Variants in AR observed in about 807,000 individuals in gnomAD.
AR encodes androgen receptor, also known as dihydrotestosterone receptor.
AR carries 8 observed loss-of-function variants against 53.9 expected under a neutral mutation model. The ratio of observed to expected loss-of-function variants is 0.15; its 90% CI spans 0.09 to 0.27. The LOEUF (loss-of-function observed/expected upper bound fraction) is 0.27, where lower values mean the gene tolerates loss of function less well. AR is among the 10% of genes least tolerant of loss of function. AR has a pLI of 1.00. For missense variants in AR, 639 were observed against 742.5 expected, an observed-to-expected ratio of 0.86 and a Z score of 1.62; for synonymous variants, 359 against 316.4, an observed-to-expected ratio of 1.13 and a Z score of -1.43.
intron 1 of AR, among the ~76,000 whole-genome samples, chrX:67,549,357 G>A (rs903036088): frequency 2.7e-5 from 3 of 111,707 alleles, no homozygotes; most frequent in Non-Finnish European, 1.9e-5. Context: ...ATAATTTTGT[G>A]GAGGGGTTTT....
intron 2 of AR, among the ~76,000 whole-genome samples, chrX:67,653,357 G>A (rs999999677): frequency 8.9e-6 from 1 of 111,817 alleles, no homozygotes; most frequent in African/African-American, 3.2e-5. Context: ...TGTACTAAAA[G>A]TAGGTACATA....
chrX:67,712,353 A>T (rs866687278), intron 4 of AR, among the ~76,000 whole-genome samples: 2 of 112,649 alleles, frequency 1.8e-5, no homozygotes, highest in East Asian at 2.8e-4. Context: ...GAGAGGAAAG[A>T]TTAGGTAATA....
At chrX:67,646,904 A>C (rs1451150106) in intron 2 of AR, among the ~76,000 whole-genome samples, 1 of 111,384 alleles carries the variant, frequency 9.0e-6, no homozygotes, top group Non-Finnish European at 1.9e-5. Context: ...AATCAATTAA[A>C]GAAGCAATCT....
chrX:67,627,249 A>G (rs1215433195), intron 1 of AR, among the ~76,000 whole-genome samples: 4 of 111,398 alleles, frequency 3.6e-5, no homozygotes, highest in Non-Finnish European at 5.6e-5. Context: ...TCCCACCAAC[A>G]GTGTCAAAGT....
intron 5 of AR, among the ~76,000 whole-genome samples, chrX:67,718,220 T>A (rs912339128): frequency 2.7e-5 from 3 of 111,617 alleles, no homozygotes; most frequent in African/African-American, 9.8e-5. Context: ...TATGTCCCTG[T>A]CGATCTCAGC....
intron 1 of AR, among the ~76,000 whole-genome samples, chrX:67,562,956 A>G (rs924185849): frequency 8.9e-6 from 1 of 112,042 alleles, no homozygotes; most frequent in Non-Finnish European, 1.9e-5. Context: ...CTAATTCACC[A>G]CACCATATCT....
intron 1 of AR, among the ~76,000 whole-genome samples, chrX:67,602,085 C>A (rs2147377110): frequency 8.9e-6 from 1 of 111,919 alleles, no homozygotes; most frequent in South Asian, 3.7e-4. Flanking sequence ...AGAACCATAA[C>A]CTCTTTATAA....
chrX:67,662,773 G>T (rs62605191), intron 2 of AR, among the ~76,000 whole-genome samples: 2,400 of 111,049 alleles, frequency 0.022, 30 homozygotes, highest in Middle Eastern at 0.042. Context: ...CTCTTTGTAG[G>T]TCTCTAAGGA....
At chrX:67,595,009 A>G (rs1222974945) in intron 1 of AR, among the ~76,000 whole-genome samples, 1 of 111,100 alleles carries the variant, frequency 9.0e-6, no homozygotes, top group African/African-American at 3.3e-5. Context: ...GTTCCTAAAT[A>G]ATTTTCCAAT....
chrX:67,673,150 C>T (rs780632141), intron 2 of AR, among the ~76,000 whole-genome samples: 1 of 108,134 alleles, frequency 9.2e-6, no homozygotes, highest in South Asian at 4.1e-4. Context: ...GAGTTCCATT[C>T]TATGTTACTT....
chrX:67,568,754 C>T lies in AR; in HGVS notation c.1616+21992C>T, dbSNP rs181515570. On this transcript the variant is annotated intron_variant, in intron 1 of 7. Transcript: ENST00000374690. ...GAGGGTATGTTAGTTTGCTTATCTG[C>T]GCCGTCCCTCCTCTTCCCAACCCAC... is the stretch of plus-strand genomic sequence containing the variant. 482 of 899,554 alleles carry T rather than the reference C, an allele frequency of 5.4e-4. 1 individual carries two copies. The African/African-American group carries it at 8.0e-3, about 15-fold the overall frequency. The allele number at this position is 899,554 out of a possible 1,213,427, so 74.1% of individuals were successfully genotyped here.
At chrX:67,684,321 C>A (rs1202962689) in intron 2 of AR, among the ~76,000 whole-genome samples, 2 of 112,135 alleles carry the variant, frequency 1.8e-5, no homozygotes, top group Non-Finnish European at 3.8e-5. Context: ...ATTATGTGTT[C>A]TATTTATGCA....
intron 2 of AR, among the ~76,000 whole-genome samples, chrX:67,659,649 G>C (rs1327058820): frequency 2.7e-5 from 3 of 111,802 alleles, no homozygotes; most frequent in Non-Finnish European, 5.6e-5. Flanking sequence ...CCAAGGCTTT[G>C]CTATTGTGAA....
intron 7 of AR, among the ~76,000 whole-genome samples, chrX:67,723,312 CTGTGTGTGTG>C (rs796606484): frequency 7.7e-5 from 6 of 78,014 alleles, no homozygotes; most frequent in African/African-American, 2.7e-4. Context: ...GTTTGTCTGT[CTGTGTGTGTG>C]TGTGTGTGTG....
chrX:67,694,947 T>G, intron 3 of AR: 1 of 1,022,092 alleles, frequency 9.8e-7, no homozygotes. Context: ...GTAGAAGTAA[T>G]AGTGGTTACC....
intron 1 of AR, among the ~76,000 whole-genome samples, chrX:67,625,383 T>C (rs1924580509): frequency 9.0e-6 from 1 of 111,240 alleles, no homozygotes; most frequent in South Asian, 3.7e-4. Context: ...GCTGTTTTCT[T>C]AGCAGAAAAT....
At chrX:67,575,876 A>T (rs1306705026) in intron 1 of AR, among the ~76,000 whole-genome samples, 2 of 111,603 alleles carry the variant, frequency 1.8e-5, no homozygotes, top group African/African-American at 6.5e-5. Flanking sequence ...AACTGGTATA[A>T]ATTTTATTTG....
At chrX:67,640,866 C>T (rs1925724548) in intron 1 of AR, among the ~76,000 whole-genome samples, 1 of 111,451 alleles carries the variant, frequency 9.0e-6, no homozygotes, top group Non-Finnish European at 1.9e-5. Context: ...AAATAATAAT[C>T]CCATCTTTGA....
chrX:67,658,721 G>T (rs1926708788), intron 2 of AR, among the ~76,000 whole-genome samples: 1 of 112,051 alleles, frequency 8.9e-6, no homozygotes, highest in South Asian at 3.7e-4. Flanking sequence ...GGGACGTCCT[G>T]TTCCAAGTCA....
Sources: gnomAD v4.1 joint callset for allele counts (sites outside exome capture counted in the v4.1 genomes callset) on GRCh38, gnomAD v4.1.1 for gene constraint, MANE v1.5 for transcripts, NCBI Gene and HGNC (gene_info 2026-07-23, HGNC 2026-07-21) for gene names.